The following RTL4 variants were observed in gnomAD, a reference collection of about 807,000 sequenced individuals.
RTL4 encodes retrotransposon Gag-like protein 4.
In RTL4, 4 loss-of-function variants were observed where a neutral mutation model predicts 5.3. That is an observed-to-expected ratio of 0.75 (90% CI 0.37 to 1.72). The LOEUF (loss-of-function observed/expected upper bound fraction) is 1.72, where lower values mean the gene tolerates loss of function less well. Ranked by LOEUF, RTL4 falls within the 40% of genes most tolerant of loss-of-function variation. The probability of loss-of-function intolerance (pLI) is 0.04; values close to 1 mark genes in which losing one functional copy is unlikely to be tolerated. For synonymous variants in RTL4, 98 were observed against 87.3 expected (o/e 1.12, Z -0.68); for missense variants, 260 against 227.1 (o/e 1.14, Z -0.93).
chrX:112,300,832 CTAGT>C, the RTL4 span, among the ~76,000 whole-genome samples: 1 of 111,919 alleles, frequency 8.9e-6, no homozygotes, highest in African/African-American at 3.2e-5. Context: ...GCAGTCAGAA[CTAGT>C]TAGCCTAGAC....
the RTL4 span, among the ~76,000 whole-genome samples, chrX:112,215,712 T>A: frequency 1.3e-4 from 15 of 112,463 alleles, no homozygotes; most frequent in Admixed American, 1.9e-4. Flanking sequence ...ATATTTGGGA[T>A]GTTTCTTCCT....
At chrX:112,374,619 C>T in the RTL4 span, among the ~76,000 whole-genome samples, 5 of 111,938 alleles carry the variant, frequency 4.5e-5, no homozygotes, top group African/African-American at 6.5e-5. Context: ...TCCATGAACA[C>T]GTAATGTCCC....
the RTL4 span, among the ~76,000 whole-genome samples, chrX:112,231,625 G>A: frequency 9.4e-6 from 1 of 106,413 alleles, no homozygotes. Flanking sequence ...ACTGCTAAAT[G>A]ACGAGTTAAT....
At chrX:112,161,269 TGTG>T in the RTL4 span, among the ~76,000 whole-genome samples, 1 of 111,879 alleles carries the variant, frequency 8.9e-6, no homozygotes, top group Admixed American at 9.5e-5. Flanking sequence ...TAGGTGCCTA[TGTG>T]GTGGTGTATG....
chrX:112,148,327 C>CAAA, the RTL4 span, among the ~76,000 whole-genome samples: 260 of 62,247 alleles, frequency 4.2e-3, 4 homozygotes, highest in African/African-American at 0.013. Flanking sequence ...TGACTGAGTG[C>CAAA]AAAAAAAAAA....
chrX:112,149,531 T>C, the RTL4 span, among the ~76,000 whole-genome samples: 1 of 111,274 alleles, frequency 9.0e-6, no homozygotes, highest in African/African-American at 3.3e-5. Context: ...ACAAAGGCCC[T>C]CAAGCAGGAG....
chrX:112,261,934 C>A, the RTL4 span, among the ~76,000 whole-genome samples: 3 of 111,703 alleles, frequency 2.7e-5, no homozygotes, highest in Admixed American at 9.5e-5. Context: ...AAAAAACAAG[C>A]AATGGGGAAA....
At chrX:112,258,885 A>G in the RTL4 span, among the ~76,000 whole-genome samples, 1 of 111,157 alleles carries the variant, frequency 9.0e-6, no homozygotes, top group Non-Finnish European at 1.9e-5. Context: ...ATTTTAGGGT[A>G]AGGAGTCAGC....
chrX:112,155,825 T>G, the RTL4 span, among the ~76,000 whole-genome samples: 4 of 111,701 alleles, frequency 3.6e-5, no homozygotes, highest in African/African-American at 1.3e-4. Flanking sequence ...TTGGATATCC[T>G]TACTTTACAT....
chrX:112,133,164 A>C, the RTL4 span, among the ~76,000 whole-genome samples: 3 of 112,032 alleles, frequency 2.7e-5, no homozygotes, highest in Admixed American at 9.5e-5. Context: ...TACTGCAGGT[A>C]AAAGACATTT....
chrX:112,296,703 G>A, the RTL4 span, among the ~76,000 whole-genome samples: 6 of 105,035 alleles, frequency 5.7e-5, no homozygotes, highest in East Asian at 3.1e-4. Flanking sequence ...TCCGCCTCCC[G>A]AGTTCACGCC....
At chrX:112,416,115 G>T in the RTL4 span, among the ~76,000 whole-genome samples, 1 of 110,940 alleles carries the variant, frequency 9.0e-6, no homozygotes, top group African/African-American at 3.3e-5. Flanking sequence ...CTCATTGCAT[G>T]ACCACCTTTC....
At chrX:112,294,817 G>A in the RTL4 span, among the ~76,000 whole-genome samples, 1 of 111,232 alleles carries the variant, frequency 9.0e-6, no homozygotes, top group Admixed American at 9.5e-5. Flanking sequence ...CATTTCATTA[G>A]CACTTAGCAA....
At chrX:112,334,848 T>C in the RTL4 span, among the ~76,000 whole-genome samples, 1 of 112,040 alleles carries the variant, frequency 8.9e-6, no homozygotes, top group South Asian at 3.7e-4. Flanking sequence ...TTTTAGTATA[T>C]TTTTTGAGTT....
At chrX:112,247,072 A>G in the RTL4 span, among the ~76,000 whole-genome samples, 41 of 111,982 alleles carry the variant, frequency 3.7e-4, no homozygotes, top group African/African-American at 1.3e-3. Flanking sequence ...TAAATAAATC[A>G]AAATGGAATT....
chrX:112,289,253 A>G, the RTL4 span, among the ~76,000 whole-genome samples: 1 of 112,008 alleles, frequency 8.9e-6, no homozygotes, highest in Non-Finnish European at 1.9e-5. Flanking sequence ...TTCTTTGTAC[A>G]TGAAGGTGAT....
At chrX:112,331,963 A>T in the RTL4 span, among the ~76,000 whole-genome samples, 2 of 97,662 alleles carry the variant, frequency 2.0e-5, no homozygotes, top group East Asian at 6.6e-4. Flanking sequence ...AACAATGAGA[A>T]CACATGGACA....
chrX:112,353,379 C>T, the RTL4 span, among the ~76,000 whole-genome samples: 26 of 111,421 alleles, frequency 2.3e-4, no homozygotes, highest in Middle Eastern at 4.6e-3. Flanking sequence ...AACACACATG[C>T]ACATGTATGT....
the RTL4 span, among the ~76,000 whole-genome samples, chrX:112,323,205 T>C: frequency 8.9e-6 from 1 of 112,284 alleles, no homozygotes; most frequent in African/African-American, 3.2e-5. Context: ...GGGTTTATTG[T>C]GTTACCTCAT....
Sources: gnomAD v4.1 joint callset for allele counts (sites outside exome capture counted in the v4.1 genomes callset) on GRCh38, gnomAD v4.1.1 for gene constraint, MANE v1.5 for transcripts, NCBI Gene and HGNC (gene_info 2026-07-23, HGNC 2026-07-21) for gene names.